ADAMTS12: variants seen among roughly 807,000 people sequenced by gnomAD.
The protein encoded by ADAMTS12 is ADAM metallopeptidase with thrombospondin type 1 motif 12.
ADAMTS12 carries 118 observed loss-of-function variants against 167.8 expected under a neutral mutation model. The observed-to-expected ratio is 0.70, with a 90% CI of 0.61 to 0.82. The LOEUF (loss-of-function observed/expected upper bound fraction) is 0.82. Ranked by LOEUF, ADAMTS12 falls within the 40% of genes least tolerant of loss-of-function variation. The pLI, the probability that ADAMTS12 is intolerant of heterozygous loss-of-function variation, is 0.00. For missense variants in ADAMTS12, 1,916 were observed against 1,998.8 expected (o/e 0.96, Z 0.79); for synonymous variants, 704 against 716.9 (o/e 0.98, Z 0.29).
intron 19 of ADAMTS12, among the ~76,000 whole-genome samples, chr5:33,567,420 G>A (rs1036014775): frequency 3.3e-5 from 5 of 152,116 alleles, no homozygotes; most frequent in African/African-American, 9.7e-5. Flanking sequence ...AAACTATGTC[G>A]ACAGAAGAAG....
intron 3 of ADAMTS12, among the ~76,000 whole-genome samples, chr5:33,701,045 A>G (rs139544322): frequency 1.2e-3 from 186 of 152,332 alleles, no homozygotes; most frequent in African/African-American, 4.4e-3. Flanking sequence ...AAGAATAGCA[A>G]CTTCTGAGGA....
intron 5 of ADAMTS12, among the ~76,000 whole-genome samples, chr5:33,665,429 T>C (rs1433473036): frequency 6.6e-6 from 1 of 152,206 alleles, no homozygotes; most frequent in Non-Finnish European, 1.5e-5. Context: ...AGGTAATGTA[T>C]GCGTTAATTA....
At chr5:33,569,284 A>G (rs1025762528) in intron 19 of ADAMTS12, among the ~76,000 whole-genome samples, 2 of 152,220 alleles carry the variant, frequency 1.3e-5, no homozygotes, top group Non-Finnish European at 2.9e-5. Context: ...GAACGGGCAG[A>G]CTGCCTCCTC....
intron 3 of ADAMTS12, among the ~76,000 whole-genome samples, chr5:33,733,438 T>C (rs962624999): frequency 6.6e-6 from 1 of 152,168 alleles, no homozygotes; most frequent in Non-Finnish European, 1.5e-5. Flanking sequence ...ATCTGTGAAA[T>C]GGGGATAATA....
chr5:33,866,864 G>A (rs868689683), intron 2 of ADAMTS12, among the ~76,000 whole-genome samples: 6 of 151,892 alleles, frequency 4.0e-5, no homozygotes, highest in Admixed American at 2.0e-4. Flanking sequence ...AATTATCAGA[G>A]AAATGAAAAT....
At chr5:33,569,867 A>G (rs546208673) in intron 19 of ADAMTS12, among the ~76,000 whole-genome samples, 4 of 152,376 alleles carry the variant, frequency 2.6e-5, no homozygotes, top group South Asian at 2.1e-4. Context: ...AGACGAATGT[A>G]TAACTAGAAT....
At chr5:33,610,734 A>T (rs1425210199) in intron 16 of ADAMTS12, among the ~76,000 whole-genome samples, 1 of 152,224 alleles carries the variant, frequency 6.6e-6, no homozygotes, top group Non-Finnish European at 1.5e-5. Context: ...ATAAATCATG[A>T]TATATTCACG....
intron 3 of ADAMTS12, among the ~76,000 whole-genome samples, chr5:33,748,134 C>T (rs995458344): frequency 6.6e-6 from 1 of 152,124 alleles, no homozygotes; most frequent in Admixed American, 6.5e-5. Flanking sequence ...TTGATCTGAC[C>T]AGTGTTAATT....
intron 1 of ADAMTS12, among the ~76,000 whole-genome samples, chr5:33,886,846 T>A (rs1750654606): frequency 6.6e-6 from 1 of 152,156 alleles, no homozygotes; most frequent in African/African-American, 2.4e-5. Context: ...ATGGGCATAA[T>A]AATAATAGCA....
At chr5:33,735,697 G>A (rs566941190) in intron 3 of ADAMTS12, among the ~76,000 whole-genome samples, 2 of 152,134 alleles carry the variant, frequency 1.3e-5, no homozygotes, top group East Asian at 1.9e-4. Context: ...TGGCCTAATC[G>A]GGGAAGTACA....
intron 2 of ADAMTS12, among the ~76,000 whole-genome samples, chr5:33,780,133 G>A (rs1168103457): frequency 1.3e-5 from 2 of 152,090 alleles, no homozygotes; most frequent in East Asian, 1.9e-4. Context: ...TAAAGCTGTA[G>A]GAGGGGAAAC....
In ADAMTS12 at chr5:33,615,909, C is replaced by G; in HGVS notation, c.2307G>C (p.Gly769=). ...IQWNGNYKLA[G]TVFQYDRKGD... ...CTTTCCTGTCATACTGAAAGACAGT[C>G]CCTGCCAGCTTATAGTTCCCGTTCC... is the stretch of plus-strand genomic sequence containing the variant. Residue 769 remains glycine (G), a synonymous_variant, in exon 15 of 24, where the codon GGG becomes GGC. Coordinates refer to ENST00000504830, the MANE Select transcript of ADAMTS12 (RefSeq NM_030955.4). 1 of 1,614,112 alleles carries G rather than the reference C, an allele frequency of 6.2e-7. No homozygotes were observed.
chr5:33,653,579 T>C (rs900532115), intron 7 of ADAMTS12, among the ~76,000 whole-genome samples: 4 of 152,164 alleles, frequency 2.6e-5, no homozygotes, highest in Non-Finnish European at 5.9e-5. Flanking sequence ...TGGTTTATGA[T>C]TCTTGGTTGT....
chr5:33,571,326 A>C (rs1335691780), intron 19 of ADAMTS12, among the ~76,000 whole-genome samples: 1 of 152,118 alleles, frequency 6.6e-6, no homozygotes, highest in African/African-American at 2.4e-5. Flanking sequence ...CCTATTCCAA[A>C]ATTGACCACA....
rs573793640 is a variant in ADAMTS12, at chr5:33,870,455, C to A, written c.489+10664G>T. On this transcript the variant is annotated intron_variant, in intron 2 of 23. Transcript: ENST00000504830. ...CCATGAAATCTTCAAAATTTATGTT[C>A]TTCTGTCATGGCTTCAGCAGGTCCC... Among the ~76,000 whole-genome samples the A allele has an allele frequency of 1.7e-3, 262 of 152,268 alleles. 2 individuals carry two copies. The highest frequency in any genetic ancestry group is 6.0e-3 in the African/African-American group (248 of 41,546).
intron 14 of ADAMTS12, among the ~76,000 whole-genome samples, chr5:33,621,399 C>CAA (rs202182365): frequency 1.6e-4 from 13 of 82,076 alleles, no homozygotes; most frequent in East Asian, 8.4e-4. Flanking sequence ...GACTCCATCT[C>CAA]AAAAAAAAAA....
chr5:33,634,316 A>G (rs566129565), intron 12 of ADAMTS12, among the ~76,000 whole-genome samples: 11 of 152,030 alleles, frequency 7.2e-5, no homozygotes, highest in Non-Finnish European at 1.6e-4. Flanking sequence ...GTTGAATGCT[A>G]TTGTCTCTGT....
At chr5:33,829,813 T>C (rs1748226811) in intron 2 of ADAMTS12, among the ~76,000 whole-genome samples, 1 of 152,212 alleles carries the variant, frequency 6.6e-6, no homozygotes, top group Admixed American at 6.5e-5. Flanking sequence ...CACTCTAATG[T>C]TGACCAGCTT....
chr5:33,885,599 T>C (rs1464044383), intron 1 of ADAMTS12, among the ~76,000 whole-genome samples: 2 of 152,156 alleles, frequency 1.3e-5, no homozygotes, highest in African/African-American at 4.8e-5. Context: ...ATAGAGAATA[T>C]CCAGTAGACA....
Sources: allele counts gnomAD v4.1 joint callset (sites outside exome capture counted in the v4.1 genomes callset), GRCh38; gene constraint gnomAD v4.1.1; transcripts MANE v1.5; gene names NCBI Gene and HGNC (gene_info 2026-07-23, HGNC 2026-07-21).